Variants in EHD2 observed in about 807,000 individuals in gnomAD.
EHD2 encodes the protein EH domain containing 2, also known as EH domain-containing protein 2.
In EHD2, 27 loss-of-function variants were observed where a neutral mutation model predicts 41.0. The ratio of observed to expected loss-of-function variants is 0.66; its 90% CI spans 0.49 to 0.91. The LOEUF (loss-of-function observed/expected upper bound fraction) is 0.91. Among genes scored for constraint, EHD2 ranks in the 40% least tolerant of loss-of-function variants. EHD2 has a pLI of 0.00. For synonymous variants in EHD2, 342 were observed against 341.0 expected, an observed-to-expected ratio of 1.00 and a Z score of -0.03; for missense variants, 673 against 773.9, an observed-to-expected ratio of 0.87 and a Z score of 1.55.
In EHD2 at chr19:47,725,942, G is replaced by A; in HGVS notation, c.633G>A (p.Glu211=). ...SEAIGALRGH[E]DKIRVVLNKA... ...CCATCGGCGCGTTGCGGGGCCATGA[G>A]GACAAGATCCGCGTGGTGCTCAACA... The change falls in exon 4 of 6, where the codon GAG becomes GAA. Residue 211 remains glutamate (E), a synonymous_variant. Coordinates refer to ENST00000263277, the MANE Select transcript of EHD2 (RefSeq NM_014601.4). The A allele has an allele frequency of 6.2e-7, 1 of 1,613,910 alleles. No individual in the cohort carries two copies. Among genetic ancestry groups the A allele is most frequent in the South Asian group, 1.1e-5 (1 of 91,064 alleles).
At chr19:47,723,355 C>T (rs936135863) in intron 3 of EHD2, among the ~76,000 whole-genome samples, 1 of 152,166 alleles carries the variant, frequency 6.6e-6, no homozygotes, top group Non-Finnish European at 1.5e-5. Flanking sequence ...GATTAACGTA[C>T]ACGCCATAAA....
chr19:47,717,033 C>T lies in EHD2; in HGVS notation c.404+17C>T. 6.3e-7 allele frequency: 1 copy of T among 1,598,738 alleles called. No homozygotes were observed. The highest frequency in any genetic ancestry group is 8.5e-7 in the Non-Finnish European group (1 of 1,179,846). On this transcript the variant is annotated intron_variant, in intron 2 of 5. Coordinates refer to ENST00000263277, the MANE Select transcript of EHD2 (RefSeq NM_014601.4). ...CCTCAACAGGTGTGCCAGCCGCGAG[C>T]CCAGGGCGCATCTTTCTTTTTCTTT...
Position 47,716,601 on chromosome 19 carries a change from T to C in EHD2, c.-12T>C, listed in dbSNP as rs1231129222. On this transcript the variant is annotated 5_prime_UTR_variant, in exon 2 of 6. Transcript: ENST00000263277. The stretch of plus-strand genomic sequence containing the variant: ...GTCTCTCCGTGAACCCCGTGAGCGG[T>C]GTGCAGCCACCATGTTCAGCTGGCT... The C allele has an allele frequency of 1.3e-6, 2 of 1,504,028 alleles. No homozygotes were observed. The highest frequency in any genetic ancestry group is 2.4e-5 in the East Asian group (1 of 42,434). The allele number at this position is 1,504,028 out of a possible 1,614,324, so 93.2% of individuals were successfully genotyped here. A position where few individuals can be genotyped will look rare whatever the true frequency, so the allele number is the denominator to read the frequency against.
chr19:47,738,826 C>A (rs1006996969), intron 5 of EHD2, among the ~76,000 whole-genome samples: 9 of 152,174 alleles, frequency 5.9e-5, no homozygotes, highest in African/African-American at 2.2e-4. Context: ...TCACATAGGG[C>A]TGTGAAAGGA....
At position 47,739,274 on chromosome 19, in the gene EHD2, A is replaced by ATTTT. The variant is rs57266469; in HGVS notation, c.1081-1583_1081-1580dup. 5.2e-3 allele frequency among the ~76,000 whole-genome samples: 601 copies of ATTTT among 115,996 alleles called. 12 individuals carry two copies. Among genetic ancestry groups the ATTTT allele is most frequent in the African/African-American group, 0.017 (564 of 32,362 alleles). 76.1% of individuals were successfully genotyped at this position (115,996 alleles called of 152,430 possible). A position where few individuals can be genotyped will look rare whatever the true frequency, so the allele number is the denominator to read the frequency against. On this transcript the variant is annotated intron_variant, in intron 5 of 5. Coordinates refer to ENST00000263277, the MANE Select transcript of EHD2 (RefSeq NM_014601.4). ...CACCACCACACCTGGCTAATTTTTAATTTTTTTTTTTTTTTTTTTTTTTTT... is the reference window on the plus strand; with the variant it reads ...CACCACCACACCTGGCTAATTTTTAATTTTTTTTTTTTTTTTTTTTTTTTTTTTT...
chr19:47,736,702 T>C (rs1966926988), intron 5 of EHD2, among the ~76,000 whole-genome samples, 169 bp downstream of exon 5: 1 of 151,996 alleles, frequency 6.6e-6, no homozygotes. Context: ...GCTAGGGGAG[T>C]GAAGAGAAAA....
In EHD2 at chr19:47,719,540, C is replaced by T. The variant is rs914343479; in HGVS notation, c.502+934C>T. 2.0e-5 allele frequency among the ~76,000 whole-genome samples: 3 copies of T among 152,124 alleles called. No homozygotes were observed. The highest frequency in any genetic ancestry group is 1.3e-4 in the Admixed American group (2 of 15,260). On this transcript the variant is annotated intron_variant, in intron 3 of 5. Transcript: ENST00000263277. This position sits in a 1 kb window ranked among gnomAD's most constrained non-coding sequence, Gnocchi z 4.1. ...CAGCCCCACAGATCTGTGTCCCCCACCCCCCATGGCCTTGGAGGCCCAGAA... is the reference window on the plus strand; with the variant it reads ...CAGCCCCACAGATCTGTGTCCCCCATCCCCCATGGCCTTGGAGGCCCAGAA...
chr19:47,730,800 C>A (rs1308136472), intron 4 of EHD2, among the ~76,000 whole-genome samples: 2 of 152,140 alleles, frequency 1.3e-5, no homozygotes, highest in African/African-American at 4.8e-5. Flanking sequence ...CCAAGATGCC[C>A]TGAACCTTCA....
rs189880850 is a variant in EHD2, at chr19:47,737,688, G to A, written c.1080+1155G>A. On this transcript the variant is annotated intron_variant, in intron 5 of 5. Coordinates refer to ENST00000263277, the MANE Select transcript of EHD2 (RefSeq NM_014601.4). ...TAAATAAATAAAATAAAATATATAC[G>A]TTTAAAAATTTATTTATATATTTTT... 2.6e-3 allele frequency among the ~76,000 whole-genome samples: 392 copies of A among 151,378 alleles called. 1 individual carries two copies. The highest frequency in any genetic ancestry group is 2.7e-3 in the Non-Finnish European group (186 of 67,872).
chr19:47,733,440 G>A (rs942457442), intron 4 of EHD2, among the ~76,000 whole-genome samples: 1 of 151,924 alleles, frequency 6.6e-6, no homozygotes, highest in Admixed American at 6.6e-5. Flanking sequence ...TTGGAAGACT[G>A]AGGCGGGCGG....
intron 3 of EHD2, among the ~76,000 whole-genome samples, chr19:47,725,538 C>A (rs1305772470): frequency 2.6e-5 from 4 of 152,016 alleles, no homozygotes; most frequent in Non-Finnish European, 5.9e-5. Flanking sequence ...CCATTGTGCT[C>A]GAGCAAAGGA....
In EHD2 at chr19:47,742,123, A is replaced by ATTTCCTTCCTTCCTTCCTTCTTTTC. The variant is rs1966997084; in HGVS notation, c.*708_*732dup. 1 of 312,038 alleles carries ATTTCCTTCCTTCCTTCCTTCTTTTC rather than the reference A, an allele frequency of 3.2e-6. No homozygotes were observed. Among genetic ancestry groups the ATTTCCTTCCTTCCTTCCTTCTTTTC allele is most frequent in the Non-Finnish European group, 6.1e-6 (1 of 163,098 alleles). 19.3% of individuals were successfully genotyped at this position (312,038 alleles called of 1,614,324 possible). On this transcript the variant is annotated 3_prime_UTR_variant, in exon 6 of 6. Coordinates refer to ENST00000263277, the MANE Select transcript of EHD2 (RefSeq NM_014601.4). ...CCCCCAATTCTGCCCACACCCATTTATTTCCTTCCTTCCTTCCTTCTTTTC... is the reference window on the plus strand; with the variant it reads ...CCCCCAATTCTGCCCACACCCATTTATTTCCTTCCTTCCTTCCTTCTTTTCTTTCCTTCCTTCCTTCCTTCTTTTC...
rs115350882 is a variant in EHD2, at chr19:47,741,851, C to G, written c.*419C>G. The G allele has an allele frequency of 1.1e-5, 5 of 465,452 alleles. No individual in the cohort carries two copies. The highest frequency in any genetic ancestry group is 7.7e-5 in the South Asian group (5 of 64,640). The allele number at this position is 465,452 out of a possible 1,614,324, so 28.8% of individuals were successfully genotyped here. A position where few individuals can be genotyped will look rare whatever the true frequency, so the allele number is the denominator to read the frequency against. On this transcript the variant is annotated 3_prime_UTR_variant, in exon 6 of 6. Transcript: ENST00000263277. The surrounding 1 kb of genome is among the most constrained non-coding windows in gnomAD (Gnocchi z 4.5). ...CCAGGAGAGGGCACCTACACAGTCA[C>G]GCAAACACACACTAATTCCTGGCAG...
chr19:47,736,523 A>C lies in EHD2; in HGVS notation c.1070A>C (p.Gln357Pro), dbSNP rs772885356. 300 of 1,588,472 alleles carry C rather than the reference A, an allele frequency of 1.9e-4. 1 individual carries two copies. Among genetic ancestry groups the C allele is most frequent in the Non-Finnish European group, 2.6e-4 (298 of 1,167,504 alleles). ...TCCCCTGGGGACTTTCCTGATTGCC[A>C]GAAAATGCAGGTGGGAAGCTGCCCA... is the stretch of plus-strand genomic sequence containing the variant. Reference protein sequence around the residue: ...HISPGDFPDCQKMQELLMAHD... With the variant: ...HISPGDFPDCPKMQELLMAHD... Residue 357 changes from glutamine to proline, a missense_variant, in exon 5 of 6, where the codon CAG (glutamine) becomes CCG (proline). Coordinates refer to ENST00000263277, the MANE Select transcript of EHD2 (RefSeq NM_014601.4).
intron 3 of EHD2, among the ~76,000 whole-genome samples, chr19:47,724,037 T>G (rs907096014): frequency 6.6e-6 from 1 of 151,716 alleles, no homozygotes; most frequent in Non-Finnish European, 1.5e-5. Flanking sequence ...TTTTAAGCTC[T>G]TTATATATAT....
intron 5 of EHD2, among the ~76,000 whole-genome samples, chr19:47,738,957 G>T (rs544486482): frequency 1.3e-5 from 2 of 152,282 alleles, no homozygotes; most frequent in African/African-American, 4.8e-5. Flanking sequence ...TGGGGAGGGG[G>T]TGGTCCCAGG....
In EHD2 at chr19:47,726,150, G is replaced by A; in HGVS notation, c.841G>A (p.Asp281Asn). 1 of 1,583,046 alleles carries A rather than the reference G, an allele frequency of 6.3e-7. No individual in the cohort carries two copies. Among genetic ancestry groups the A allele is most frequent in the Non-Finnish European group, 8.6e-7 (1 of 1,165,858 alleles). ...FELEEQDLFR[D>N]IQGLPRHAAL... ...GCTGGAGGAGCAGGACCTCTTCCGC[G>A]ACATCCAGGGCCTGCCCCGGCACGC... is the stretch of plus-strand genomic sequence containing the variant. The change falls in exon 4 of 6, where the codon GAC (aspartate) becomes AAC (asparagine). Residue 281 changes from aspartate (D) to asparagine (N), a missense_variant. By Grantham distance (23) the Asp-to-Asn change is conservative. Transcript: ENST00000263277.
At chr19:47,739,060 G>A (rs1014425102) in intron 5 of EHD2, among the ~76,000 whole-genome samples, 1 of 152,136 alleles carries the variant, frequency 6.6e-6, no homozygotes, top group African/African-American at 2.4e-5. Context: ...CACTGTGACA[G>A]GAATTAAGCT....
chr19:47,722,009 AACACACACACACACAC>A (rs201572396), intron 3 of EHD2, among the ~76,000 whole-genome samples: 129 of 130,734 alleles, frequency 9.9e-4, no homozygotes, highest in East Asian at 2.8e-3. Flanking sequence ...AGAAAAACAA[AACACACACACACACAC>A]ACACACACAC....
Sources: gnomAD v4.1 joint callset for allele counts (sites outside exome capture counted in the v4.1 genomes callset) on GRCh38, gnomAD v4.1.1 for gene constraint, Gnocchi (gnomAD v3.1) non-coding constraint, MANE v1.5 for transcripts, NCBI Gene and HGNC (gene_info 2026-07-23, HGNC 2026-07-21) for gene names.